Variants in KPNA3 observed in about 807,000 individuals in gnomAD.
KPNA3 encodes karyopherin subunit alpha 3, also known as importin subunit alpha-4.
A neutral mutation model predicts 73.8 loss-of-function variants in KPNA3; 13 were observed. The observed-to-expected ratio is 0.18, with a 90% CI of 0.11 to 0.28. KPNA3 has a LOEUF of 0.28. KPNA3 is among the 10% of genes least tolerant of loss of function. The pLI is 1.00. For synonymous variants in KPNA3, 186 were observed against 206.9 expected, an observed-to-expected ratio of 0.90 and a Z score of 0.87; for missense variants, 360 against 618.1, an observed-to-expected ratio of 0.58 and a Z score of 4.43.
intron 1 of KPNA3, among the ~76,000 whole-genome samples, chr13:49,755,102 T>C (rs1321498565): frequency 6.6e-6 from 1 of 151,934 alleles, no homozygotes; most frequent in African/African-American, 2.4e-5. Flanking sequence ...CAGGCCAATA[T>C]TCTCAATGAC....
At chr13:49,717,177 A>C (rs1430337073) in intron 10 of KPNA3, among the ~76,000 whole-genome samples, 2 of 152,206 alleles carry the variant, frequency 1.3e-5, no homozygotes, top group African/African-American at 4.8e-5. Context: ...TTATCTGTAT[A>C]AAACAAATAT....
chr13:49,707,619 C>T (rs768392454), intron 12 of KPNA3, among the ~76,000 whole-genome samples: 4 of 152,050 alleles, frequency 2.6e-5, no homozygotes, highest in Non-Finnish European at 5.9e-5. Context: ...ACATCACAGG[C>T]CGGAACCTTT....
intron 10 of KPNA3, among the ~76,000 whole-genome samples, chr13:49,713,676 A>C (rs867314832): frequency 7.7e-6 from 1 of 129,864 alleles, no homozygotes; most frequent in Non-Finnish European, 1.7e-5. Context: ...CACACACACA[A>C]AACAGAAAAA....
At chr13:49,706,013 A>G in intron 14 of KPNA3, 85 bp downstream of exon 14, 1 of 1,258,260 alleles carries the variant, frequency 7.9e-7, no homozygotes. Context: ...AAAAGAACAC[A>G]ATACAGTCAG....
chr13:49,750,140 G>A (rs777677083), intron 1 of KPNA3, among the ~76,000 whole-genome samples: 5 of 152,112 alleles, frequency 3.3e-5, no homozygotes, highest in Non-Finnish European at 2.9e-5. Context: ...TTTGCCAACC[G>A]GGAAGCAAGT....
intron 1 of KPNA3, among the ~76,000 whole-genome samples, chr13:49,762,397 G>A (rs920155311): frequency 6.6e-6 from 1 of 152,244 alleles, no homozygotes; most frequent in Admixed American, 6.5e-5. Flanking sequence ...GGGCCATGAT[G>A]ATGATGGCGG....
chr13:49,705,531 G>A, intron 15 of KPNA3, 90 bp downstream of exon 15: 1 of 1,263,806 alleles, frequency 7.9e-7, no homozygotes, highest in East Asian at 2.3e-5. Flanking sequence ...ACGTATCCTA[G>A]TAATTTTCTG....
At chr13:49,757,202 A>C (rs1261319013) in intron 1 of KPNA3, among the ~76,000 whole-genome samples, 1 of 152,120 alleles carries the variant, frequency 6.6e-6, no homozygotes, top group African/African-American at 2.4e-5. Flanking sequence ...CATCAAAATA[A>C]AAAACTATTT....
chr13:49,707,294 C>T (rs972212109), intron 12 of KPNA3, among the ~76,000 whole-genome samples: 1 of 152,166 alleles, frequency 6.6e-6, no homozygotes, highest in Non-Finnish European at 1.5e-5. Context: ...TCCTCTTCCA[C>T]AAATGAATTT....
intron 8 of KPNA3, 42 bp from the exon 9 acceptor site, chr13:49,722,166 G>C: frequency 7.5e-7 from 1 of 1,330,352 alleles, no homozygotes; most frequent in Admixed American, 2.4e-5. Flanking sequence ...CTTACATTCA[G>C]GATGAGAAAG....
intron 1 of KPNA3, among the ~76,000 whole-genome samples, chr13:49,754,745 C>T (rs1460687491): frequency 6.6e-6 from 1 of 151,494 alleles, no homozygotes; most frequent in Non-Finnish European, 1.5e-5. Flanking sequence ...GGGAAAACTA[C>T]AAACAACTCT....
chr13:49,791,674 A>G (rs1955033954), intron 1 of KPNA3, among the ~76,000 whole-genome samples: 1 of 152,142 alleles, frequency 6.6e-6, no homozygotes. Flanking sequence ...AAGGCTAAGA[A>G]AACAAGTCCT....
chr13:49,742,619 T>G (rs145241741), intron 2 of KPNA3, among the ~76,000 whole-genome samples: 8 of 151,158 alleles, frequency 5.3e-5, no homozygotes, highest in Admixed American at 1.3e-4. Flanking sequence ...AAATTTTAGT[T>G]TTTTTTTTTC....
chr13:49,782,246 A>G (rs1480585649), intron 1 of KPNA3, among the ~76,000 whole-genome samples: 1 of 152,194 alleles, frequency 6.6e-6, no homozygotes, highest in Non-Finnish European at 1.5e-5. Flanking sequence ...TGCCCCTCAT[A>G]TCAGCTGCAG....
chr13:49,721,283 G>T (rs150169805), intron 9 of KPNA3, among the ~76,000 whole-genome samples: 1 of 152,152 alleles, frequency 6.6e-6, no homozygotes, highest in Admixed American at 6.5e-5. Flanking sequence ...ACATTTGCAT[G>T]TAAGTATACT....
At chr13:49,708,434 A>C (rs757306958) in intron 12 of KPNA3, among the ~76,000 whole-genome samples, 2 of 152,186 alleles carry the variant, frequency 1.3e-5, no homozygotes, top group Non-Finnish European at 2.9e-5. Context: ...TGGGAATGTA[A>C]AACAGTGCAG....
chr13:49,758,215 CATAA>C (rs1231192204), intron 1 of KPNA3, among the ~76,000 whole-genome samples: 49 of 152,116 alleles, frequency 3.2e-4, no homozygotes, highest in Non-Finnish European at 2.9e-5. Context: ...TTATTTTACA[CATAA>C]ATATATAGGT....
At chr13:49,730,535 A>G (rs1954454731) in intron 6 of KPNA3, among the ~76,000 whole-genome samples, 1 of 143,818 alleles carries the variant, frequency 7.0e-6, no homozygotes, top group Non-Finnish European at 1.5e-5. Flanking sequence ...AAAAAAAAAA[A>G]AAAAAAAAAA....
chr13:49,727,037 T>A (rs1229244830), intron 6 of KPNA3, among the ~76,000 whole-genome samples: 1 of 152,012 alleles, frequency 6.6e-6, no homozygotes, highest in Non-Finnish European at 1.5e-5. Context: ...TTCCCTTAAG[T>A]GGAATACCAA....
Sources: allele counts gnomAD v4.1 joint callset (sites outside exome capture counted in the v4.1 genomes callset), GRCh38; gene constraint gnomAD v4.1.1; transcripts MANE v1.5; gene names NCBI Gene and HGNC (gene_info 2026-07-23, HGNC 2026-07-21).